Variants in PDE8B observed in about 807,000 individuals in gnomAD.
PDE8B encodes phosphodiesterase 8B.
Under a neutral mutation model 101.3 loss-of-function variants are expected in PDE8B, and 26 were observed. The ratio of observed to expected loss-of-function variants is 0.26; its 90% CI spans 0.19 to 0.36. The LOEUF is 0.36. Ranked by LOEUF, PDE8B falls within the 10% of genes least tolerant of loss-of-function variation. PDE8B has a pLI of 1.00. For missense variants in PDE8B, 810 were observed against 1,163.1 expected, an observed-to-expected ratio of 0.70 and a Z score of 4.42; for synonymous variants, 424 against 429.3, an observed-to-expected ratio of 0.99 and a Z score of 0.15.
At chr5:77,216,870 AG>A (rs550479335) in intron 1 of PDE8B, among the ~76,000 whole-genome samples, 1 of 152,146 alleles carries the variant, frequency 6.6e-6, no homozygotes, top group Non-Finnish European at 1.5e-5. Flanking sequence ...GTGGGTCTGG[AG>A]GGGCAAATGA....
chr5:77,311,867 A>G (rs1772710544), intron 1 of PDE8B, 127 bp from the exon 2 acceptor site: 2 of 809,650 alleles, frequency 2.5e-6, no homozygotes, highest in Admixed American at 3.4e-5. Flanking sequence ...ACCCATCTCC[A>G]GTTCAGTAAG....
chr5:77,354,709 A>T (rs562748837), intron 10 of PDE8B, among the ~76,000 whole-genome samples: 1 of 152,246 alleles, frequency 6.6e-6, no homozygotes, highest in South Asian at 2.1e-4. Context: ...AGCACAGTTC[A>T]TGTCCAGTTC....
chr5:77,252,645 G>A (rs867812601), intron 1 of PDE8B, among the ~76,000 whole-genome samples: 1 of 152,050 alleles, frequency 6.6e-6, no homozygotes. Context: ...ACCTTTTTCT[G>A]CCCATTTCCC....
chr5:77,182,532 C>A, the PDE8B span, among the ~76,000 whole-genome samples: 1 of 152,210 alleles, frequency 6.6e-6, no homozygotes, highest in East Asian at 1.9e-4. Flanking sequence ...AGAGGGGAAG[C>A]CCCACACTAA....
At chr5:77,096,386 G>T in the PDE8B span, among the ~76,000 whole-genome samples, 4 of 152,106 alleles carry the variant, frequency 2.6e-5, no homozygotes, top group African/African-American at 9.7e-5. Flanking sequence ...TCCATTTCAT[G>T]CCTACTATAA....
chr5:77,251,084 G>T (rs1757970486), intron 1 of PDE8B, among the ~76,000 whole-genome samples: 1 of 152,192 alleles, frequency 6.6e-6, no homozygotes, highest in African/African-American at 2.4e-5. Context: ...GTCTGGCTTT[G>T]TATCTCAACC....
intron 10 of PDE8B, among the ~76,000 whole-genome samples, chr5:77,386,508 A>G (rs1047517014): frequency 1.3e-5 from 2 of 152,144 alleles, no homozygotes; most frequent in Non-Finnish European, 2.9e-5. Flanking sequence ...TTCCTGTTGC[A>G]TTGATCCCTT....
At position 77,223,250 on chromosome 5, in the gene PDE8B, A is replaced by T. The variant is rs182195084; in HGVS notation, c.339+11986A>T. ...TTTCTTTTTTTATTTTATTATTATT[A>T]TACTTTAAGTTTTAGGGTACATGTG... On this transcript the variant is annotated intron_variant, in intron 1 of 21. Coordinates refer to ENST00000264917, the MANE Select transcript of PDE8B (RefSeq NM_003719.5). Among the ~76,000 whole-genome samples the T allele has an allele frequency of 4.3e-3, 648 of 152,100 alleles. 4 individuals carry two copies. The highest frequency in any genetic ancestry group is 6.6e-3 in the Non-Finnish European group (449 of 67,988).
At chr5:77,282,046 A>G (rs959197681) in intron 1 of PDE8B, among the ~76,000 whole-genome samples, 2 of 152,034 alleles carry the variant, frequency 1.3e-5, no homozygotes, top group Non-Finnish European at 2.9e-5. Flanking sequence ...TCAACCCAAG[A>G]GGTACTGTGG....
chr5:77,143,477 T>A, the PDE8B span, among the ~76,000 whole-genome samples: 17 of 152,330 alleles, frequency 1.1e-4, no homozygotes, highest in African/African-American at 4.1e-4. Context: ...ACAGATATAA[T>A]TCTTAATCTA....
chr5:77,353,211 G>A, intron 9 of PDE8B, 135 bp from the exon 10 acceptor site: 1 of 681,672 alleles, frequency 1.5e-6, no homozygotes. Context: ...TGTAGATTGA[G>A]TCTTGCTTGA....
the PDE8B span, among the ~76,000 whole-genome samples, chr5:77,174,222 G>T: frequency 6.6e-6 from 1 of 151,828 alleles, no homozygotes; most frequent in Admixed American, 6.6e-5. Context: ...ATCCTTCCTG[G>T]GTGTCAACAC....
Position 77,251,648 on chromosome 5 carries a change from A to C in PDE8B, c.339+40384A>C, listed in dbSNP as rs141837602. Among the ~76,000 whole-genome samples the C allele has an allele frequency of 3.6e-3, 554 of 152,250 alleles. 1 individual carries two copies. The highest frequency in any genetic ancestry group is 5.5e-3 in the Non-Finnish European group (376 of 68,010). Reference sequence around the variant, plus strand: ...CTCCCCCTTCTCCCTCTTGAACTCCAAGTAAATAAATGTTAGACTCTCCCA... The same window carrying C: ...CTCCCCCTTCTCCCTCTTGAACTCCCAGTAAATAAATGTTAGACTCTCCCA... On this transcript the variant is annotated intron_variant, in intron 1 of 21. Coordinates refer to ENST00000264917, the MANE Select transcript of PDE8B (RefSeq NM_003719.5).
At chr5:77,264,530 AG>A (rs1761293296) in intron 1 of PDE8B, among the ~76,000 whole-genome samples, 1 of 152,138 alleles carries the variant, frequency 6.6e-6, no homozygotes, top group Non-Finnish European at 1.5e-5. Flanking sequence ...AAATATCCTG[AG>A]CTAGTCAGGA....
At chr5:77,103,983 T>C in the PDE8B span, among the ~76,000 whole-genome samples, 1 of 152,104 alleles carries the variant, frequency 6.6e-6, no homozygotes, top group Non-Finnish European at 1.5e-5. Flanking sequence ...TTCTAGAGAG[T>C]TCTAAAGCAA....
At chr5:77,210,196 G>A (rs1447896571), upstream of PDE8B, among the ~76,000 whole-genome samples, 1 of 152,158 alleles carries the variant, frequency 6.6e-6, no homozygotes, top group Non-Finnish European at 1.5e-5. The surrounding 1 kb of genome is among the most constrained non-coding windows in gnomAD (Gnocchi z 4.9). Flanking sequence ...AGGGGAAGAG[G>A]GGCTGGGGCG....
intron 10 of PDE8B, among the ~76,000 whole-genome samples, chr5:77,360,773 A>C (rs1782957579): frequency 2.0e-5 from 3 of 152,096 alleles, no homozygotes; most frequent in Admixed American, 2.0e-4. Context: ...GAAGCCACTT[A>C]GTTCCAAAGG....
chr5:77,088,185 G>C, the PDE8B span: 1 of 152,308 alleles, frequency 6.6e-6, no homozygotes, highest in Non-Finnish European at 1.5e-5. Flanking sequence ...ATGGGAGGTG[G>C]AGCATGCAGA....
chr5:77,163,271 G>A, the PDE8B span, among the ~76,000 whole-genome samples: 1 of 152,152 alleles, frequency 6.6e-6, no homozygotes, highest in Admixed American at 6.6e-5. Context: ...TGCCCTCTCC[G>A]AGTAATGTCT....
Sources: allele counts gnomAD v4.1 joint callset (sites outside exome capture counted in the v4.1 genomes callset), GRCh38; gene constraint gnomAD v4.1.1; non-coding constraint Gnocchi (gnomAD v3.1); transcripts MANE v1.5; gene names NCBI Gene and HGNC (gene_info 2026-07-23, HGNC 2026-07-21).